The following TAFA1 variants were observed in gnomAD, a reference collection of about 807,000 sequenced individuals.
The protein encoded by TAFA1 is TAFA chemokine like family member 1, also known as chemokine-like protein TAFA-1.
Under a neutral mutation model 18.5 loss-of-function variants are expected in TAFA1, and 4 were observed. The observed-to-expected ratio is 0.22, with a 90% confidence interval of 0.11 to 0.49. The LOEUF (loss-of-function observed/expected upper bound fraction) is 0.49, where lower values mean the gene tolerates loss of function less well. TAFA1 is among the 20% of genes least tolerant of loss of function. The pLI, the probability that TAFA1 is intolerant of heterozygous loss-of-function variation, is 0.98. For synonymous variants in TAFA1, 56 were observed against 55.2 expected (o/e 1.01, Z -0.06); for missense variants, 147 against 169.0 (o/e 0.87, Z 0.72).
intron 2 of TAFA1, among the ~76,000 whole-genome samples, chr3:68,304,146 A>T (rs1220683231): frequency 6.6e-6 from 1 of 152,250 alleles, no homozygotes; most frequent in East Asian, 1.9e-4. Flanking sequence ...CCATATTTTC[A>T]TCCTGTTGCA....
intron 2 of TAFA1, among the ~76,000 whole-genome samples, chr3:68,068,142 T>A (rs1199864327): frequency 6.6e-6 from 1 of 152,116 alleles, no homozygotes; most frequent in Non-Finnish European, 1.5e-5. Context: ...AATTAATACA[T>A]GCTAAGCAAG....
At chr3:68,479,229 CAAA>C (rs764971674) in intron 3 of TAFA1, among the ~76,000 whole-genome samples, 9 of 97,518 alleles carry the variant, frequency 9.2e-5, no homozygotes, top group African/African-American at 4.6e-4. Context: ...GACTCCATCT[CAAA>C]AAAAAAAAAA....
intron 2 of TAFA1, among the ~76,000 whole-genome samples, chr3:68,180,592 A>G (rs2066186180): frequency 6.6e-6 from 1 of 152,208 alleles, no homozygotes; most frequent in Non-Finnish European, 1.5e-5. Flanking sequence ...GTAGGAGGTG[A>G]GTAGTGTCTG....
chr3:68,142,076 G>T (rs73834848), intron 2 of TAFA1, among the ~76,000 whole-genome samples: 5,367 of 152,168 alleles, frequency 0.035, 329 homozygotes, highest in African/African-American at 0.12. Flanking sequence ...CTCTAGCTTA[G>T]CGGAGTTACC....
intron 3 of TAFA1, among the ~76,000 whole-genome samples, chr3:68,465,281 T>C (rs2106933219): frequency 6.6e-6 from 1 of 152,290 alleles, no homozygotes; most frequent in East Asian, 1.9e-4. Context: ...TGTAACCATA[T>C]AGTGACCAAA....
chr3:68,433,321 TC>T (rs1030857429), intron 3 of TAFA1, among the ~76,000 whole-genome samples: 1 of 152,006 alleles, frequency 6.6e-6, no homozygotes, highest in African/African-American at 2.4e-5. Flanking sequence ...TCAATTTCTA[TC>T]CAATAACCAA....
chr3:68,429,988 T>A (rs1195557240), intron 3 of TAFA1, among the ~76,000 whole-genome samples: 1 of 151,976 alleles, frequency 6.6e-6, no homozygotes, highest in Non-Finnish European at 1.5e-5. Flanking sequence ...TTTGGAGTAT[T>A]GACTATGTGC....
chr3:68,124,856 C>A (rs2106868694), intron 2 of TAFA1, among the ~76,000 whole-genome samples: 1 of 152,270 alleles, frequency 6.6e-6, no homozygotes, highest in East Asian at 1.9e-4. Flanking sequence ...AGAACTTCTG[C>A]TGTCTTAGAG....
intron 2 of TAFA1, among the ~76,000 whole-genome samples, chr3:68,321,498 G>A (rs1034804453): frequency 3.3e-5 from 5 of 152,148 alleles, no homozygotes. Context: ...AAGTACTCAA[G>A]ACCTTTCTTT....
chr3:68,308,404 T>A (rs1421647991), intron 2 of TAFA1, among the ~76,000 whole-genome samples: 1 of 152,216 alleles, frequency 6.6e-6, no homozygotes, highest in Non-Finnish European at 1.5e-5. Flanking sequence ...TACTACCTGT[T>A]ACCTGTCTTA....
intron 2 of TAFA1, among the ~76,000 whole-genome samples, chr3:68,126,592 C>A (rs1005264560): frequency 1.3e-5 from 2 of 152,204 alleles, no homozygotes; most frequent in African/African-American, 4.8e-5. Flanking sequence ...AATCATTGAT[C>A]CTGTTATGGG....
At chr3:68,168,169 G>C (rs891221410) in intron 2 of TAFA1, among the ~76,000 whole-genome samples, 1 of 143,854 alleles carries the variant, frequency 7.0e-6, no homozygotes, top group African/African-American at 2.6e-5. Context: ...AAGAAGGCTT[G>C]ATTTGTTTTG....
intron 2 of TAFA1, among the ~76,000 whole-genome samples, chr3:68,080,035 T>C (rs1189546901): frequency 6.6e-6 from 1 of 152,132 alleles, no homozygotes; most frequent in African/African-American, 2.4e-5. Context: ...AGTTAGCTCT[T>C]CTTGTTGAAT....
chr3:68,119,729 G>C (rs1167141411), intron 2 of TAFA1, among the ~76,000 whole-genome samples: 2 of 152,100 alleles, frequency 1.3e-5, no homozygotes. Flanking sequence ...TGTTCTATTG[G>C]TCTATATATC....
intron 2 of TAFA1, among the ~76,000 whole-genome samples, chr3:68,349,289 A>T (rs1382540341): frequency 6.6e-6 from 1 of 151,974 alleles, no homozygotes; most frequent in Non-Finnish European, 1.5e-5. Context: ...CGTTTTCACA[A>T]GCAAAATGCT....
At chr3:68,014,040 A>G (rs1277987023) in intron 2 of TAFA1, among the ~76,000 whole-genome samples, 2 of 152,234 alleles carry the variant, frequency 1.3e-5, no homozygotes, top group African/African-American at 4.8e-5. Context: ...CTATGCAGTT[A>G]CTAGACCTTC....
rs184415449 is a variant in TAFA1 at position 68,508,858 on chromosome 3, A to T, written c.260-29898A>T. On this transcript the variant is annotated intron_variant, in intron 3 of 4. Coordinates refer to ENST00000478136, the MANE Select transcript of TAFA1 (RefSeq NM_213609.4). ...TCATAGGGCAAGTAAGAGTTCAGTG[A>T]TCACTAGAAGAAGATGAGAAGGCTG... is the stretch of plus-strand genomic sequence containing the variant. Among the ~76,000 whole-genome samples the T allele has an allele frequency of 5.3e-5, 8 of 152,200 alleles. No individual in the cohort carries two copies. The East Asian group carries it at 1.5e-3, about 29-fold the overall frequency.
At chr3:68,070,000 C>T (rs577203189) in intron 2 of TAFA1, among the ~76,000 whole-genome samples, 38 of 152,310 alleles carry the variant, frequency 2.5e-4, no homozygotes, top group Admixed American at 5.9e-4. Flanking sequence ...CTTTTCCAGG[C>T]GCATGGTGCA....
intron 2 of TAFA1, among the ~76,000 whole-genome samples, chr3:68,414,801 G>A (rs939170925): frequency 6.6e-6 from 1 of 152,110 alleles, no homozygotes; most frequent in Admixed American, 6.6e-5. Flanking sequence ...CATTGTGTCC[G>A]TTGACTTGAC....
Sources: allele counts gnomAD v4.1 joint callset (sites outside exome capture counted in the v4.1 genomes callset), GRCh38; gene constraint gnomAD v4.1.1; transcripts MANE v1.5; gene names NCBI Gene and HGNC (gene_info 2026-07-23, HGNC 2026-07-21).